SP140: variants seen among roughly 807,000 people sequenced by gnomAD.
SP140 encodes SP140 nuclear body protein.
SP140 carries 81 observed loss-of-function variants against 125.0 expected under a neutral mutation model. The observed-to-expected ratio is 0.65, with a 90% CI of 0.54 to 0.78. The LOEUF (loss-of-function observed/expected upper bound fraction) is 0.78, where lower values mean the gene tolerates loss of function less well. Ranked by LOEUF, SP140 falls within the 30% of genes least tolerant of loss-of-function variation. The pLI, the probability that SP140 is intolerant of heterozygous loss-of-function variation, is 0.00. For missense variants in SP140, 858 were observed against 1,037.0 expected, an observed-to-expected ratio of 0.83 and a Z score of 2.37; for synonymous variants, 312 against 354.0, an observed-to-expected ratio of 0.88 and a Z score of 1.33.
intron 4 of SP140, among the ~76,000 whole-genome samples, chr2:230,241,733 G>A (rs1245597710): frequency 6.6e-6 from 1 of 152,172 alleles, no homozygotes; most frequent in Non-Finnish European, 1.5e-5. Flanking sequence ...AAATGGGAAA[G>A]GTAGACAGAG....
intron 12 of SP140, among the ~76,000 whole-genome samples, chr2:230,256,714 G>A (rs1188208893): frequency 1.3e-5 from 2 of 152,086 alleles, no homozygotes; most frequent in Non-Finnish European, 2.9e-5. Context: ...AAATAAAAAA[G>A]GGTATCATTC....
chr2:230,244,894 T>G, intron 5 of SP140, 94 bp from the exon 6 acceptor site: 1 of 841,244 alleles, frequency 1.2e-6, no homozygotes. Flanking sequence ...AGTGTTTTTT[T>G]GCAAGGAGAA....
At chr2:230,240,669 T>C (rs2048599723) in intron 3 of SP140, among the ~76,000 whole-genome samples, 1 of 152,206 alleles carries the variant, frequency 6.6e-6, no homozygotes, top group Non-Finnish European at 1.5e-5. Context: ...CAAGTGCTGA[T>C]GAGAATATGG....
chr2:230,226,322 G>A (rs190415936), intron 1 of SP140, among the ~76,000 whole-genome samples: 24 of 152,282 alleles, frequency 1.6e-4, no homozygotes, highest in Admixed American at 3.3e-4. Flanking sequence ...ACACTTTCCA[G>A]GCTGTGTAGT....
At chr2:230,254,789 C>A (rs1575038916) in intron 11 of SP140, among the ~76,000 whole-genome samples, 2 of 152,204 alleles carry the variant, frequency 1.3e-5, no homozygotes, top group Admixed American at 6.5e-5. Flanking sequence ...TCTGTGGCTT[C>A]CACCCTTCAT....
At chr2:230,216,862 C>G in intron 3 of SP140, 1 of 1,613,998 alleles carries the variant, frequency 6.2e-7, no homozygotes, top group Non-Finnish European at 8.5e-7. Flanking sequence ...CATAGGCGAT[C>G]CCCAGCTTCT....
chr2:230,232,965 A>G (rs894431965), intron 1 of SP140, among the ~76,000 whole-genome samples: 3 of 152,178 alleles, frequency 2.0e-5, no homozygotes, highest in African/African-American at 7.2e-5. Flanking sequence ...TTTGACTGTT[A>G]ACATTTTTAA....
At chr2:230,308,534 G>A (rs979555540) in intron 22 of SP140, among the ~76,000 whole-genome samples, 4 of 152,218 alleles carry the variant, frequency 2.6e-5, no homozygotes, top group Admixed American at 6.5e-5. Flanking sequence ...ACATTTACTC[G>A]GTAGCCCGGT....
intron 10 of SP140, among the ~76,000 whole-genome samples, chr2:230,251,950 A>T (rs2050437129): frequency 6.6e-6 from 1 of 152,096 alleles, no homozygotes; most frequent in Non-Finnish European, 1.5e-5. Context: ...ATGACTCCTT[A>T]CAGGCTTTCA....
chr2:230,287,904 G>A lies in SP140; in HGVS notation c.1658G>A (p.Gly553Asp). The A allele has an allele frequency of 6.2e-7, 1 of 1,611,792 alleles. No homozygotes were observed. The highest frequency in any genetic ancestry group is 8.5e-7 in the Non-Finnish European group (1 of 1,179,590). Residue 553 changes from glycine to aspartate, a missense_variant, in exon 18 of 27, where the codon GGC becomes GAC. Coordinates refer to ENST00000392045, the MANE Select transcript of SP140 (RefSeq NM_007237.5). ...TCTACTTTCTCAGGGAGAAAGAGAG[G>A]CAAACCTGGAACCCGCTTCACTCAG... Reference protein sequence around the residue: ...DLSKIRGRKRGKPGTRFTQSD... With the variant: ...DLSKIRGRKRDKPGTRFTQSD...
At chr2:230,308,648 C>T (rs2059045217) in intron 22 of SP140, among the ~76,000 whole-genome samples, 1 of 152,208 alleles carries the variant, frequency 6.6e-6, no homozygotes, top group Admixed American at 6.5e-5. Flanking sequence ...CCCCTGCTTC[C>T]AGAGGGAGAG....
chr2:230,274,964 TAA>T (rs571018554), intron 15 of SP140, among the ~76,000 whole-genome samples: 2 of 152,012 alleles, frequency 1.3e-5, no homozygotes, highest in Non-Finnish European at 2.9e-5. Context: ...AACTTAACTG[TAA>T]AAAAAAGTTT....
At chr2:230,303,446 C>T (rs929465661) in intron 22 of SP140, among the ~76,000 whole-genome samples, 2 of 152,100 alleles carry the variant, frequency 1.3e-5, no homozygotes, top group Non-Finnish European at 2.9e-5. Context: ...AGGCCAAGAC[C>T]AGATGGATTG....
chr2:230,269,810 T>G, intron 13 of SP140, 27 bp from the exon 14 acceptor site: 1 of 1,555,580 alleles, frequency 6.4e-7, no homozygotes, highest in South Asian at 1.1e-5. Flanking sequence ...AAACTGAAAG[T>G]CTTCATGAAT....
upstream of SP140, among the ~76,000 whole-genome samples, chr2:230,224,887 T>A (rs1428086604): frequency 1.3e-4 from 20 of 152,252 alleles, no homozygotes; most frequent in Admixed American, 1.3e-3. Flanking sequence ...TGTGGTTATA[T>A]TTTTTATATT....
At chr2:230,261,812 C>T (rs187051890) in intron 12 of SP140, among the ~76,000 whole-genome samples, 19 of 152,244 alleles carry the variant, frequency 1.2e-4, no homozygotes, top group East Asian at 1.9e-4. Flanking sequence ...CCTACTTCAT[C>T]GTCGTGGATT....
chr2:230,246,160 T>C (rs2049419265), intron 7 of SP140, among the ~76,000 whole-genome samples: 2 of 152,068 alleles, frequency 1.3e-5, no homozygotes, highest in Admixed American at 6.6e-5. Context: ...CCTCCCCACA[T>C]ACAGACAGAG....
At chr2:230,218,287 T>C (rs1375599927) in intron 3 of SP140, among the ~76,000 whole-genome samples, 1 of 152,210 alleles carries the variant, frequency 6.6e-6, no homozygotes, top group East Asian at 1.9e-4. Context: ...CAGTGGCAGA[T>C]TAAGCACCCT....
intron 3 of SP140, chr2:230,238,684 C>A: frequency 2.5e-6 from 3 of 1,183,690 alleles, no homozygotes; most frequent in South Asian, 1.3e-5. Flanking sequence ...TGAGTGATGT[C>A]TTTTCATGGG....
Sources: allele counts gnomAD v4.1 joint callset (sites outside exome capture counted in the v4.1 genomes callset), GRCh38; gene constraint gnomAD v4.1.1; transcripts MANE v1.5; gene names NCBI Gene and HGNC (gene_info 2026-07-23, HGNC 2026-07-21).